Variants in RSRC1 observed in about 807,000 individuals in gnomAD.
RSRC1 encodes the protein arginine and serine rich coiled-coil 1, also known as serine/Arginine-related protein 53.
In RSRC1, 39 loss-of-function variants were observed where a neutral mutation model predicts 49.1. The observed-to-expected ratio is 0.79, with a 90% confidence interval of 0.61 to 1.04. RSRC1 has a LOEUF of 1.04. RSRC1 is among the 50% of genes least tolerant of loss of function. The pLI is 0.00. For synonymous variants in RSRC1, 143 were observed against 130.8 expected, an observed-to-expected ratio of 1.09 and a Z score of -0.63; for missense variants, 388 against 402.4, an observed-to-expected ratio of 0.96 and a Z score of 0.31.
At chr3:158,127,466 T>C (rs1285973787) in intron 3 of RSRC1, among the ~76,000 whole-genome samples, 1 of 152,020 alleles carries the variant, frequency 6.6e-6, no homozygotes, top group East Asian at 1.9e-4. Context: ...CTACTGAACC[T>C]CTCTAGTGAA....
At chr3:158,470,020 C>A (rs1738054491) in intron 7 of RSRC1, among the ~76,000 whole-genome samples, 1 of 151,892 alleles carries the variant, frequency 6.6e-6, no homozygotes, top group Non-Finnish European at 1.5e-5. Context: ...CATTATCATA[C>A]CTCATAATCT....
At chr3:158,244,589 T>A (rs1723781503) in intron 4 of RSRC1, among the ~76,000 whole-genome samples, 1 of 152,140 alleles carries the variant, frequency 6.6e-6, no homozygotes, top group Non-Finnish European at 1.5e-5. Context: ...TTTCTTTTTG[T>A]TTTGTTATAT....
intron 4 of RSRC1, among the ~76,000 whole-genome samples, chr3:158,283,541 C>T (rs570870730): frequency 9.2e-5 from 14 of 151,948 alleles, no homozygotes; most frequent in Admixed American, 2.0e-4. Context: ...AAGACCATTT[C>T]GTGAAAATAC....
chr3:158,344,703 A>G lies in RSRC1; in HGVS notation c.532-10154A>G, dbSNP rs138057635. 1.6e-3 allele frequency among the ~76,000 whole-genome samples: 246 copies of G among 152,340 alleles called. 1 individual carries two copies. The highest frequency in any genetic ancestry group is 5.8e-3 in the African/African-American group (240 of 41,590). On this transcript the variant is annotated intron_variant, in intron 5 of 9. Coordinates refer to ENST00000611884, the MANE Select transcript of RSRC1 (RefSeq NM_001271838.2). Reference sequence around the variant, plus strand: ...AGAGAGTGAAGGAAATGCTAACCACATGGATAAATATGTCTCTTTATAAGA... The same window carrying G: ...AGAGAGTGAAGGAAATGCTAACCACGTGGATAAATATGTCTCTTTATAAGA...
At chr3:158,402,483 G>A (rs1429266605) in intron 6 of RSRC1, among the ~76,000 whole-genome samples, 1 of 151,708 alleles carries the variant, frequency 6.6e-6, no homozygotes, top group East Asian at 1.9e-4. Context: ...TTATATAACT[G>A]TTGGAGCTGA....
intron 4 of RSRC1, among the ~76,000 whole-genome samples, chr3:158,222,221 T>C (rs1722260760): frequency 6.6e-6 from 1 of 151,544 alleles, no homozygotes; most frequent in South Asian, 2.1e-4. Context: ...TAATATTACT[T>C]ATCAGTCACA....
At chr3:158,186,024 T>C (rs1719905486) in intron 3 of RSRC1, among the ~76,000 whole-genome samples, 1 of 152,020 alleles carries the variant, frequency 6.6e-6, no homozygotes, top group Non-Finnish European at 1.5e-5. Flanking sequence ...TTTCTAGTTT[T>C]ACAGTTTTCC....
chr3:158,377,088 G>T (rs1732417807), intron 6 of RSRC1, among the ~76,000 whole-genome samples: 2 of 152,092 alleles, frequency 1.3e-5, no homozygotes, highest in Non-Finnish European at 2.9e-5. Context: ...TGAAGTCATT[G>T]TTGTTAATGT....
chr3:158,528,039 A>C (rs1467625345), intron 7 of RSRC1, among the ~76,000 whole-genome samples: 1 of 151,828 alleles, frequency 6.6e-6, no homozygotes, highest in African/African-American at 2.4e-5. Context: ...TTATATATTC[A>C]TAGAGATTTA....
intron 4 of RSRC1, among the ~76,000 whole-genome samples, chr3:158,207,177 A>G (rs1392207568): frequency 2.0e-5 from 3 of 152,138 alleles, no homozygotes; most frequent in Non-Finnish European, 2.9e-5. Flanking sequence ...CATAATTATT[A>G]ATGATGAACA....
chr3:158,512,401 G>A (rs1215150625), intron 7 of RSRC1, among the ~76,000 whole-genome samples: 1,666 of 147,630 alleles, frequency 0.011, 35 homozygotes, highest in African/African-American at 0.04. Flanking sequence ...TTTTTCTCAG[G>A]TTTGTCAAAG....
chr3:158,365,635 T>A (rs1731722018), intron 6 of RSRC1, among the ~76,000 whole-genome samples: 1 of 152,230 alleles, frequency 6.6e-6, no homozygotes, highest in Non-Finnish European at 1.5e-5. Flanking sequence ...TATAGGAGAA[T>A]GATTTTTAAT....
At chr3:158,359,517 G>A (rs747955524) in intron 6 of RSRC1, among the ~76,000 whole-genome samples, 1 of 152,170 alleles carries the variant, frequency 6.6e-6, no homozygotes, top group East Asian at 1.9e-4. Context: ...GCAGGTGGCA[G>A]CATGGGCACC....
At chr3:158,312,028 G>A (rs767480350) in intron 5 of RSRC1, among the ~76,000 whole-genome samples, 1 of 152,002 alleles carries the variant, frequency 6.6e-6, no homozygotes, top group Non-Finnish European at 1.5e-5. Flanking sequence ...AAAGCAAGTG[G>A]ACATGGTAGA....
intron 3 of RSRC1, among the ~76,000 whole-genome samples, chr3:158,134,240 C>T (rs1430324693): frequency 6.6e-6 from 1 of 151,620 alleles, no homozygotes; most frequent in East Asian, 1.9e-4. Flanking sequence ...ACTGAAGACT[C>T]TTTAATGATT....
Position 158,516,076 on chromosome 3 carries a change from C to A in RSRC1, c.653-21016C>A, listed in dbSNP as rs550877808. Among the ~76,000 whole-genome samples, 14 of 152,344 alleles carry A rather than the reference C, an allele frequency of 9.2e-5. No homozygotes were observed. In the East Asian group the frequency reaches 2.7e-3, roughly 29 times the overall value. On this transcript the variant is annotated intron_variant, in intron 7 of 9. Coordinates refer to ENST00000611884, the MANE Select transcript of RSRC1 (RefSeq NM_001271838.2). The stretch of plus-strand genomic sequence containing the variant: ...CCGTAGCTTGGAGTAATTTGATCAT[C>A]TGAAGCCTTCTTCTCTCAGCTCGTC...
chr3:158,470,365 T>C (rs199581481), intron 7 of RSRC1, among the ~76,000 whole-genome samples: 10,339 of 93,010 alleles, frequency 0.11, 367 homozygotes, highest in South Asian at 0.16. Context: ...CACACACATA[T>C]ATATATATAT....
chr3:158,245,226 T>C (rs2108001781), intron 4 of RSRC1, among the ~76,000 whole-genome samples: 1 of 152,160 alleles, frequency 6.6e-6, no homozygotes, highest in Non-Finnish European at 1.5e-5. Context: ...GTTGTATCTT[T>C]GGTCTCATTA....
rs373102637 is a variant in RSRC1, at chr3:158,537,234, G to A, written c.759+36G>A. 1.2e-5 allele frequency: 15 copies of A among 1,238,748 alleles called. No individual in the cohort carries two copies. The African/African-American group carries it at 2.0e-4, about 17-fold the overall frequency. 76.7% of individuals were successfully genotyped at this position (1,238,748 alleles called of 1,614,324 possible). A position where few individuals can be genotyped will look rare whatever the true frequency, so the allele number is the denominator to read the frequency against. On this transcript the variant is annotated intron_variant, in intron 8 of 9. Coordinates refer to ENST00000611884, the MANE Select transcript of RSRC1 (RefSeq NM_001271838.2). The stretch of plus-strand genomic sequence containing the variant: ...ATCCACCCATTATGAGTAAACCTTT[G>A]GATTCTACCTGAAGAGATGCTTTAT...
Sources: gnomAD v4.1 joint callset for allele counts (sites outside exome capture counted in the v4.1 genomes callset) on GRCh38, gnomAD v4.1.1 for gene constraint, MANE v1.5 for transcripts, NCBI Gene and HGNC (gene_info 2026-07-23, HGNC 2026-07-21) for gene names.